DGKH: variants seen among roughly 807,000 people sequenced by gnomAD.
DGKH encodes the protein diacylglycerol kinase eta.
DGKH carries 90 observed loss-of-function variants against 159.3 expected under a neutral mutation model. The observed-to-expected ratio is 0.57, with a 90% CI of 0.48 to 0.67. The LOEUF (loss-of-function observed/expected upper bound fraction) is 0.67, where lower values mean the gene tolerates loss of function less well. DGKH is among the 30% of genes least tolerant of loss of function. DGKH has a pLI of 0.00. For missense variants in DGKH, 1,181 were observed against 1,506.1 expected (o/e 0.78, Z 3.57); for synonymous variants, 536 against 553.8 (o/e 0.97, Z 0.45).
chr13:42,138,465 G>A (rs1242354700), intron 3 of DGKH, among the ~76,000 whole-genome samples: 1 of 152,208 alleles, frequency 6.6e-6, no homozygotes, highest in Non-Finnish European at 1.5e-5. Flanking sequence ...ACAGTGCCTG[G>A]CACAGAGGGA....
intron 30 of DGKH, chr13:42,256,279 T>C: frequency 6.3e-7 from 1 of 1,592,630 alleles, no homozygotes; most frequent in Non-Finnish European, 8.6e-7. Flanking sequence ...TGGCGGATGC[T>C]TCAGTTTCCT....
chr13:42,114,795 G>A (rs1265644195), intron 1 of DGKH, among the ~76,000 whole-genome samples: 3 of 152,016 alleles, frequency 2.0e-5, no homozygotes, highest in African/African-American at 7.3e-5. Context: ...GTTAAATTAG[G>A]GTTTTGTGCA....
chr13:42,181,573 T>C (rs1002699607), intron 13 of DGKH: 1 of 276,764 alleles, frequency 3.6e-6, no homozygotes, highest in South Asian at 3.2e-5. Context: ...TTCTGTCTTA[T>C]ACAAGCAAGG....
chr13:42,231,124 G>A lies in DGKH; in HGVS notation c.*1936G>A, dbSNP rs929259334. On this transcript the variant is annotated 3_prime_UTR_variant, in exon 30 of 30. Coordinates refer to ENST00000337343, the MANE Select transcript of DGKH (RefSeq NM_178009.5). ...AATCCCAGCACTTCGGGAGGTTTAG[G>A]TGGGTAGATCACCGGAGGTCAGGAG... The A allele has an allele frequency of 6.6e-5, 10 of 152,200 alleles. No homozygotes were observed. The highest frequency in any genetic ancestry group is 2.2e-4 in the African/African-American group (9 of 41,418). 9.4% of individuals were successfully genotyped at this position (152,200 alleles called of 1,614,324 possible).
At chr13:42,054,201 A>C (rs1309617265) in intron 1 of DGKH, among the ~76,000 whole-genome samples, 2 of 152,226 alleles carry the variant, frequency 1.3e-5, no homozygotes, top group African/African-American at 4.8e-5. Context: ...CATATGGTTC[A>C]TGGCCAGCAT....
chr13:42,142,366 C>T (rs1335607196), intron 3 of DGKH, among the ~76,000 whole-genome samples: 1 of 151,770 alleles, frequency 6.6e-6, no homozygotes, highest in Admixed American at 6.6e-5. Flanking sequence ...TTGGGATTGA[C>T]TTGGCAATGC....
At chr13:42,218,563 C>T (rs983688637) in intron 26 of DGKH, among the ~76,000 whole-genome samples, 2 of 140,778 alleles carry the variant, frequency 1.4e-5, no homozygotes, top group Non-Finnish European at 3.0e-5. Flanking sequence ...GGCTGGAGTG[C>T]AGTGGCGCTA....
intron 1 of DGKH, among the ~76,000 whole-genome samples, chr13:42,060,394 G>A (rs974292155): frequency 2.0e-5 from 3 of 152,126 alleles, no homozygotes; most frequent in African/African-American, 7.2e-5. Flanking sequence ...CTGTACTTCT[G>A]AGATCTGGGC....
At chr13:42,248,722 A>G (rs1566238630) in intron 29 of DGKH, among the ~76,000 whole-genome samples, 1 of 150,714 alleles carries the variant, frequency 6.6e-6, no homozygotes, top group Non-Finnish European at 1.5e-5. Context: ...TTCTCTGTTT[A>G]GATATGTTTA....
chr13:42,185,734 G>A (rs753912755), intron 13 of DGKH, among the ~76,000 whole-genome samples: 1 of 152,036 alleles, frequency 6.6e-6, no homozygotes, highest in Non-Finnish European at 1.5e-5. Flanking sequence ...ATCCCATGAA[G>A]TATTGTTCAT....
chr13:42,155,229 G>C, intron 3 of DGKH, 62 bp from the exon 4 acceptor site: 1 of 1,295,876 alleles, frequency 7.7e-7, no homozygotes, highest in Non-Finnish European at 1.1e-6. Flanking sequence ...GAAGATGTTA[G>C]GTTTTGCAAC....
intron 1 of DGKH, among the ~76,000 whole-genome samples, chr13:42,060,370 G>A (rs953211635): frequency 2.0e-5 from 3 of 152,028 alleles, no homozygotes; most frequent in African/African-American, 4.8e-5. Context: ...CACCTCTATC[G>A]GTCTTTTTCT....
At chr13:42,045,226 G>A (rs1323607078), upstream of DGKH, among the ~76,000 whole-genome samples, 1 of 152,140 alleles carries the variant, frequency 6.6e-6, no homozygotes, top group Non-Finnish European at 1.5e-5. Context: ...GATGCCAGAG[G>A]AGCCTTTGAG....
chr13:42,223,527 C>T (rs972401670), intron 29 of DGKH, among the ~76,000 whole-genome samples: 2 of 151,924 alleles, frequency 1.3e-5, no homozygotes, highest in Non-Finnish European at 2.9e-5. Context: ...TTTGGGAGTC[C>T]GAGGCGGGCG....
chr13:42,193,324 A>G (rs1566177694), intron 16 of DGKH, among the ~76,000 whole-genome samples: 1 of 152,220 alleles, frequency 6.6e-6, no homozygotes, highest in Admixed American at 6.5e-5. Flanking sequence ...AAAGGAAACT[A>G]AAAAATACAA....
intron 12 of DGKH, among the ~76,000 whole-genome samples, chr13:42,176,167 A>T (rs369675446): frequency 2.0e-5 from 3 of 152,278 alleles, no homozygotes; most frequent in African/African-American, 7.2e-5. Context: ...ATGGACAAAA[A>T]CTTGGATTTT....
At chr13:42,115,037 A>C (rs1263156124) in intron 1 of DGKH, among the ~76,000 whole-genome samples, 1 of 152,202 alleles carries the variant, frequency 6.6e-6, no homozygotes, top group Admixed American at 6.5e-5. Context: ...TTATTTACAG[A>C]TGGGGAAACT....
chr13:42,200,875 A>G (rs951729827), intron 20 of DGKH, among the ~76,000 whole-genome samples: 13 of 152,202 alleles, frequency 8.5e-5, no homozygotes, highest in African/African-American at 3.1e-4. Context: ...GAAGGTTCAC[A>G]TTTTGTAAAT....
At chr13:42,195,443 G>A (rs1303779628) in intron 17 of DGKH, among the ~76,000 whole-genome samples, 2 of 152,052 alleles carry the variant, frequency 1.3e-5, no homozygotes, top group African/African-American at 2.4e-5. Flanking sequence ...CGGAGGGTGC[G>A]GTAAGCTGAG....
Sources: gnomAD v4.1 joint callset for allele counts (sites outside exome capture counted in the v4.1 genomes callset) on GRCh38, gnomAD v4.1.1 for gene constraint, MANE v1.5 for transcripts, NCBI Gene and HGNC (gene_info 2026-07-23, HGNC 2026-07-21) for gene names.